The following PRKN variants were observed in gnomAD, a reference collection of about 807,000 sequenced individuals.
The protein encoded by PRKN is E3 ubiquitin-protein ligase parkin.
PRKN carries 56 observed loss-of-function variants against 59.5 expected under a neutral mutation model. The observed-to-expected ratio is 0.94, with a 90% confidence interval of 0.76 to 1.18. PRKN has a LOEUF of 1.18. PRKN is among the 50% of genes most tolerant of loss of function. The pLI is 0.00. For synonymous variants in PRKN, 250 were observed against 222.1 expected (o/e 1.13, Z -1.12); for missense variants, 657 against 596.4 (o/e 1.10, Z -1.06).
chr6:161,601,586 T>C (rs1053689088), intron 7 of PRKN, among the ~76,000 whole-genome samples: 2 of 111,248 alleles, frequency 1.8e-5, no homozygotes, highest in African/African-American at 2.9e-5. Context: ...ATATAGTGGA[T>C]TTTTTTTTTT....
chr6:161,519,718 A>G (rs1462963945), intron 9 of PRKN, among the ~76,000 whole-genome samples: 3 of 152,210 alleles, frequency 2.0e-5, no homozygotes, highest in Non-Finnish European at 2.9e-5. Context: ...AATAATTTCC[A>G]TTTATGTGCA....
At chr6:161,988,715 A>G (rs1359465711) in intron 5 of PRKN, among the ~76,000 whole-genome samples, 1 of 152,174 alleles carries the variant, frequency 6.6e-6, no homozygotes, top group East Asian at 1.9e-4. Context: ...CAGTGAGGAC[A>G]TCAATATATA....
chr6:162,468,070 C>T (rs1169848220), intron 1 of PRKN, among the ~76,000 whole-genome samples: 1 of 152,178 alleles, frequency 6.6e-6, no homozygotes, highest in Non-Finnish European at 1.5e-5. Flanking sequence ...GTTCTTATCA[C>T]CACTTTGTTA....
chr6:161,611,283 A>G (rs1444591053), intron 7 of PRKN, among the ~76,000 whole-genome samples: 2 of 152,148 alleles, frequency 1.3e-5, no homozygotes, highest in Non-Finnish European at 2.9e-5. Context: ...TCTAGAACTT[A>G]CTTCTCTCTT....
intron 7 of PRKN, among the ~76,000 whole-genome samples, chr6:161,702,539 G>A (rs561393331): frequency 6.6e-6 from 1 of 152,116 alleles, no homozygotes; most frequent in Non-Finnish European, 1.5e-5. Flanking sequence ...AGAGAATGGG[G>A]GGAGGGGGAG....
At chr6:162,132,391 C>T (rs1266350298) in intron 4 of PRKN, among the ~76,000 whole-genome samples, 2 of 152,096 alleles carry the variant, frequency 1.3e-5, no homozygotes, top group African/African-American at 2.4e-5. Context: ...ATACCAGAGG[C>T]AGCAAGGCAC....
intron 6 of PRKN, among the ~76,000 whole-genome samples, chr6:161,830,525 A>T (rs113274450): frequency 0.09 from 13,758 of 152,120 alleles, 695 homozygotes; most frequent in East Asian, 0.14. Flanking sequence ...GTGCTGGGAT[A>T]ACAGGCGTGA....
rs533159838 is a variant in PRKN, at chr6:161,721,909, C to T, written c.871+63863G>A. 3.9e-5 allele frequency among the ~76,000 whole-genome samples: 6 copies of T among 152,232 alleles called. 1 individual carries two copies. In the South Asian group the frequency reaches 8.3e-4, roughly 21 times the overall value. ...ACTGTTTGACCCCAGCTTTCAGGTCCGGATAAAATGAGAAGTTTTTGAAAA... is the reference window on the plus strand; with the variant it reads ...ACTGTTTGACCCCAGCTTTCAGGTCTGGATAAAATGAGAAGTTTTTGAAAA... On this transcript the variant is annotated intron_variant, in intron 7 of 11. Coordinates refer to ENST00000366898, the MANE Select transcript of PRKN (RefSeq NM_004562.3).
At chr6:162,161,634 C>T (rs1409731622) in intron 4 of PRKN, among the ~76,000 whole-genome samples, 1 of 152,128 alleles carries the variant, frequency 6.6e-6, no homozygotes, top group Non-Finnish European at 1.5e-5. Flanking sequence ...TTGTCTGCTC[C>T]TGACATTGAA....
chr6:162,095,278 A>G (rs1004762445), intron 4 of PRKN, among the ~76,000 whole-genome samples: 1 of 152,146 alleles, frequency 6.6e-6, no homozygotes, highest in South Asian at 2.1e-4. Flanking sequence ...CACGAGGCCT[A>G]CACCTCCCCG....
At chr6:162,065,856 T>C (rs1562492274) in intron 4 of PRKN, among the ~76,000 whole-genome samples, 1 of 152,210 alleles carries the variant, frequency 6.6e-6, no homozygotes, top group Non-Finnish European at 1.5e-5. Flanking sequence ...TTGCTGAGAA[T>C]GATGGTTTCC....
At chr6:161,742,956 T>C (rs1788249753) in intron 7 of PRKN, among the ~76,000 whole-genome samples, 1 of 152,200 alleles carries the variant, frequency 6.6e-6, no homozygotes, top group Non-Finnish European at 1.5e-5. Flanking sequence ...TGGTCTTTCC[T>C]GCTTCTGATA....
At chr6:161,894,026 G>A (rs975126215) in intron 6 of PRKN, among the ~76,000 whole-genome samples, 1 of 152,150 alleles carries the variant, frequency 6.6e-6, no homozygotes, top group Admixed American at 6.5e-5. Flanking sequence ...CCTATCCCCA[G>A]CTAAGTTCTA....
At chr6:161,739,173 C>T (rs1001163087) in intron 7 of PRKN, among the ~76,000 whole-genome samples, 1 of 152,004 alleles carries the variant, frequency 6.6e-6, no homozygotes, top group Non-Finnish European at 1.5e-5. Flanking sequence ...TTGGGGAGGC[C>T]AAGGTGGGAG....
intron 2 of PRKN, among the ~76,000 whole-genome samples, chr6:162,272,120 G>C (rs1313155315): frequency 6.6e-6 from 1 of 152,116 alleles, no homozygotes; most frequent in Non-Finnish European, 1.5e-5. Context: ...GGGCGGGAGG[G>C]GGGACCGCTC....
chr6:161,608,071 C>G (rs2128145558), intron 7 of PRKN, among the ~76,000 whole-genome samples: 1 of 152,258 alleles, frequency 6.6e-6, no homozygotes, highest in Non-Finnish European at 1.5e-5. Flanking sequence ...CAGAATAAAC[C>G]TGGCATTCGG....
At chr6:162,187,973 A>G (rs1039453151) in intron 4 of PRKN, among the ~76,000 whole-genome samples, 1 of 152,178 alleles carries the variant, frequency 6.6e-6, no homozygotes, top group Non-Finnish European at 1.5e-5. Context: ...GAACCCAGTG[A>G]GAGGTGCTTG....
At chr6:162,705,206 G>A (rs2128237532) in intron 1 of PRKN, among the ~76,000 whole-genome samples, 1 of 152,276 alleles carries the variant, frequency 6.6e-6, no homozygotes, top group East Asian at 1.9e-4. Context: ...TGAGGGGTCA[G>A]ACCCTTTCTT....
At chr6:161,780,873 C>A (rs1017218610) in intron 7 of PRKN, among the ~76,000 whole-genome samples, 7 of 152,170 alleles carry the variant, frequency 4.6e-5, no homozygotes, top group African/African-American at 1.7e-4. Flanking sequence ...AAAATAAAAT[C>A]TATGACATCT....
Sources: gnomAD v4.1 joint callset for allele counts (sites outside exome capture counted in the v4.1 genomes callset) on GRCh38, gnomAD v4.1.1 for gene constraint, MANE v1.5 for transcripts, NCBI Gene and HGNC (gene_info 2026-07-23, HGNC 2026-07-21) for gene names.